EDIL3: variants seen among roughly 807,000 people sequenced by gnomAD.
The protein encoded by EDIL3 is EGF like and discoidin domains 3.
Under a neutral mutation model 67.4 loss-of-function variants are expected in EDIL3, and 37 were observed. The ratio of observed to expected loss-of-function variants is 0.55; its 90% CI spans 0.42 to 0.72. The LOEUF (loss-of-function observed/expected upper bound fraction) is 0.72. Ranked by LOEUF, EDIL3 falls within the 30% of genes least tolerant of loss-of-function variation. The pLI, the probability that EDIL3 is intolerant of heterozygous loss-of-function variation, is 0.00. For synonymous variants in EDIL3, 195 were observed against 196.3 expected (o/e 0.99, Z 0.05); for missense variants, 527 against 586.3 (o/e 0.90, Z 1.04).
chr5:84,206,702 T>C, intron 3 of EDIL3, among the ~76,000 whole-genome samples: 1 of 151,966 alleles, frequency 6.6e-6, no homozygotes, highest in East Asian at 1.9e-4. Context: ...TCCACCATGA[T>C]CAAGTGGGCT....
intron 1 of EDIL3, among the ~76,000 whole-genome samples, chr5:84,317,628 G>C (rs144452725): frequency 0.01 from 1,561 of 151,978 alleles, 35 homozygotes; most frequent in African/African-American, 0.035. Flanking sequence ...AAAAAGTCCA[G>C]GACCAGATAC....
intron 1 of EDIL3, among the ~76,000 whole-genome samples, chr5:84,276,012 A>G (rs182516751): frequency 7.2e-5 from 11 of 152,266 alleles, no homozygotes; most frequent in African/African-American, 2.6e-4. Flanking sequence ...TCATTGCATG[A>G]CTATTCAGTA....
At position 84,153,704 on chromosome 5, in the gene EDIL3, C is replaced by T. The variant is rs572082717; in HGVS notation, c.356-16350G>A. On this transcript the variant is annotated intron_variant, in intron 4 of 10. Transcript: ENST00000296591. ...TCTCGAGCTCCTGACCTCAGGAGGT[C>T]CACCCACCTCGGCCTCCCAAAGTGC... Among the ~76,000 whole-genome samples the T allele has an allele frequency of 3.2e-4, 49 of 152,246 alleles. 2 individuals carry two copies. In the South Asian group the frequency reaches 8.5e-3, roughly 26 times the overall value.
At chr5:84,148,182 T>G (rs1192707958) in intron 4 of EDIL3, among the ~76,000 whole-genome samples, 6 of 152,168 alleles carry the variant, frequency 3.9e-5, no homozygotes, top group African/African-American at 1.4e-4. Context: ...CATATTCATA[T>G]TGTTTGATAG....
chr5:84,239,596 C>T (rs1744756854), intron 2 of EDIL3, among the ~76,000 whole-genome samples: 1 of 152,132 alleles, frequency 6.6e-6, no homozygotes, highest in Non-Finnish European at 1.5e-5. Context: ...TGGACCAATT[C>T]CTAGAGTACT....
chr5:84,165,601 A>G lies in EDIL3; in HGVS notation c.355+14792T>C, dbSNP rs137935288. On this transcript the variant is annotated intron_variant, in intron 4 of 10. Coordinates refer to ENST00000296591, the MANE Select transcript of EDIL3 (RefSeq NM_005711.5). Reference sequence around the variant, plus strand: ...CTGACAATGGACTAAAGGTATGAGAAGCAAAGTGACTCCAACAAAAACAGT... The same window carrying G: ...CTGACAATGGACTAAAGGTATGAGAGGCAAAGTGACTCCAACAAAAACAGT... 4.3e-4 allele frequency among the ~76,000 whole-genome samples: 65 copies of G among 152,272 alleles called. No homozygotes were observed. The East Asian group carries it at 0.011, about 26-fold the overall frequency.
At chr5:84,169,183 T>C (rs1156641157) in intron 4 of EDIL3, among the ~76,000 whole-genome samples, 1 of 152,058 alleles carries the variant, frequency 6.6e-6, no homozygotes, top group African/African-American at 2.4e-5. Flanking sequence ...ATAACAAAAC[T>C]TGTTATTATG....
intron 4 of EDIL3, among the ~76,000 whole-genome samples, chr5:84,167,364 C>T (rs948954898): frequency 3.9e-5 from 6 of 151,992 alleles, no homozygotes; most frequent in African/African-American, 1.4e-4. Context: ...TCCTCAGACT[C>T]CCACACCTCT....
chr5:84,011,925 C>T (rs1295848811), intron 9 of EDIL3, among the ~76,000 whole-genome samples: 1 of 152,116 alleles, frequency 6.6e-6, no homozygotes, highest in Non-Finnish European at 1.5e-5. Context: ...CTTTTCACTA[C>T]TTGATATTAT....
Position 84,180,405 on chromosome 5 carries a change from G to A in EDIL3, c.343C>T (p.His115Tyr), listed in dbSNP as rs1481400170. ...CKCPRGFNGI[H>Y]CQHNINECEV... ...ATGAATAACTTACTGTGCTGACAGT[G>A]AATCCCATTAAATCCTCGGGGACAT... The change falls in exon 4 of 11, where the codon CAC becomes TAC. Residue 115 changes from histidine (H) to tyrosine (Y), a missense_variant. Coordinates refer to ENST00000296591, the MANE Select transcript of EDIL3 (RefSeq NM_005711.5). The A allele has an allele frequency of 1.3e-6, 2 of 1,597,634 alleles. No individual in the cohort carries two copies. The highest frequency in any genetic ancestry group is 1.7e-6 in the Non-Finnish European group (2 of 1,173,080).
rs552288355 is a variant in EDIL3 at position 84,277,364 on chromosome 5, T to C, written c.68-23152A>G. Among the ~76,000 whole-genome samples the C allele has an allele frequency of 2.0e-5, 3 of 152,288 alleles. No homozygotes were observed. The South Asian group carries it at 6.2e-4, about 32-fold the overall frequency. The stretch of plus-strand genomic sequence containing the variant: ...GACACAAAATCTGCGGACACCTTGA[T>C]CTTGGACTTCCAGCCTCCAGTACTG... On this transcript the variant is annotated intron_variant, in intron 1 of 10. Coordinates refer to ENST00000296591, the MANE Select transcript of EDIL3 (RefSeq NM_005711.5).
At chr5:84,280,484 T>C (rs1745672384) in intron 1 of EDIL3, among the ~76,000 whole-genome samples, 1 of 151,912 alleles carries the variant, frequency 6.6e-6, no homozygotes, top group African/African-American at 2.4e-5. Context: ...TACTTCTTTC[T>C]TGTGAGCCAC....
intron 1 of EDIL3, among the ~76,000 whole-genome samples, chr5:84,310,755 C>CAG (rs1746370961): frequency 6.6e-6 from 1 of 152,116 alleles, no homozygotes; most frequent in African/African-American, 2.4e-5. Context: ...AACTTACATA[C>CAG]AGTAAAGTAC....
chr5:84,208,685 C>CA (rs70975546), intron 3 of EDIL3, among the ~76,000 whole-genome samples: 1,074 of 59,400 alleles, frequency 0.018, 110 homozygotes, highest in Admixed American at 0.029. Context: ...GACTCCGTCT[C>CA]AAAAAAAAAA....
chr5:84,106,765 T>C lies in EDIL3; in HGVS notation c.535A>G (p.Thr179Ala), dbSNP rs765301202. 1 of 1,613,358 alleles carries C rather than the reference T, an allele frequency of 6.2e-7. No individual in the cohort carries two copies. Among genetic ancestry groups the C allele is most frequent in the Non-Finnish European group, 8.5e-7 (1 of 1,179,588 alleles). ...ISNQQITASSTHRALFGLQKW... is the reference protein window; with the variant it reads ...ISNQQITASSAHRALFGLQKW... ...TGGAGTCCAAAAAGAGCTCGGTGAG[T>C]AGAGGAAGCTGTGATTTGCTGGTTT... The change falls in exon 6 of 11, where the codon ACT becomes GCT. Residue 179 changes from threonine to alanine, a missense_variant. Coordinates refer to ENST00000296591, the MANE Select transcript of EDIL3 (RefSeq NM_005711.5).
At position 83,994,149 on chromosome 5, in the gene EDIL3, T is replaced by C. The variant is rs530803862; in HGVS notation, c.1138-30789A>G. 2.0e-3 allele frequency among the ~76,000 whole-genome samples: 312 copies of C among 152,302 alleles called. 1 individual carries two copies. The highest frequency in any genetic ancestry group is 7.3e-3 in the African/African-American group (303 of 41,574). ...GTGTACATAGGCATTTTACGCTTCC[T>C]TTATGATGCAAACAGTTCTAAGATC... On this transcript the variant is annotated intron_variant, in intron 9 of 10. Coordinates refer to ENST00000296591, the MANE Select transcript of EDIL3 (RefSeq NM_005711.5).
At chr5:84,349,662 G>A (rs762543490) in intron 1 of EDIL3, among the ~76,000 whole-genome samples, 32 of 151,856 alleles carry the variant, frequency 2.1e-4, no homozygotes, top group Admixed American at 1.2e-3. Flanking sequence ...TAAACACCAC[G>A]TTGTTATCTG....
intron 6 of EDIL3, among the ~76,000 whole-genome samples, chr5:84,076,875 G>T (rs566570792): frequency 6.6e-6 from 1 of 152,264 alleles, no homozygotes; most frequent in African/African-American, 2.4e-5. Flanking sequence ...GTAGGGGAAA[G>T]GAGTTGTTTA....
chr5:84,135,730 TACTC>T (rs1203765439), intron 5 of EDIL3, among the ~76,000 whole-genome samples: 3 of 152,202 alleles, frequency 2.0e-5, no homozygotes, highest in Non-Finnish European at 2.9e-5. Context: ...TCAACCTACT[TACTC>T]AGCCTTCCCT....
Sources: gnomAD v4.1 joint callset for allele counts (sites outside exome capture counted in the v4.1 genomes callset) on GRCh38, gnomAD v4.1.1 for gene constraint, MANE v1.5 for transcripts, NCBI Gene and HGNC (gene_info 2026-07-23, HGNC 2026-07-21) for gene names.